ZNF428: variants seen among roughly 807,000 people sequenced by gnomAD.
The protein encoded by ZNF428 is zinc finger protein 428, also known as enzyme-like protein PIT13.
Under a neutral mutation model 15.6 loss-of-function variants are expected in ZNF428, and 5 were observed. The observed-to-expected ratio is 0.32, with a 90% confidence interval of 0.17 to 0.67. The LOEUF (loss-of-function observed/expected upper bound fraction) is 0.67, where lower values mean the gene tolerates loss of function less well. Ranked by LOEUF, ZNF428 falls within the 30% of genes least tolerant of loss-of-function variation. The pLI, the probability that ZNF428 is intolerant of heterozygous loss-of-function variation, is 0.73. For synonymous variants in ZNF428, 97 were observed against 102.2 expected, an observed-to-expected ratio of 0.95 and a Z score of 0.31; for missense variants, 237 against 256.0, an observed-to-expected ratio of 0.93 and a Z score of 0.51.
At chr19:43,613,355 G>A (rs1425795432) in intron 2 of ZNF428, 2 of 1,551,022 alleles carry the variant, frequency 1.3e-6, no homozygotes, top group Non-Finnish European at 1.7e-6. Flanking sequence ...CAAGGCGAGA[G>A]ATCGCAGCCG....
chr19:43,614,131 G>C, intron 2 of ZNF428, 98 bp downstream of exon 2: 2 of 1,610,006 alleles, frequency 1.2e-6, no homozygotes, highest in Non-Finnish European at 1.7e-6. Context: ...CCCCTAGCAA[G>C]ACAAGCAGCC....
chr19:43,607,529 C>A lies in ZNF428; in HGVS notation c.*88G>T. 6.9e-7 allele frequency: 1 copy of A among 1,453,384 alleles called. No homozygotes were observed. Among genetic ancestry groups the A allele is most frequent in the South Asian group, 1.4e-5 (1 of 72,198 alleles). 90.0% of individuals were successfully genotyped at this position (1,453,384 alleles called of 1,614,324 possible). ...CAACACAGACCGGCAGTACCCCATCCCCCATGACCACTGTCACAACCCCAA... is the reference window on the plus strand; with the variant it reads ...CAACACAGACCGGCAGTACCCCATCACCCATGACCACTGTCACAACCCCAA... On this transcript the variant is annotated 3_prime_UTR_variant, in exon 3 of 3. Coordinates refer to ENST00000300811, the MANE Select transcript of ZNF428 (RefSeq NM_182498.4). The surrounding 1 kb of genome is among the most constrained non-coding windows in gnomAD (Gnocchi z 5.1).
intron 1 of ZNF428, among the ~76,000 whole-genome samples, chr19:43,616,870 A>G (rs1973376505): frequency 6.9e-6 from 1 of 145,826 alleles, no homozygotes; most frequent in Non-Finnish European, 1.5e-5. Context: ...GGAGTACAGT[A>G]GCGCGATCTC....
Position 43,612,860 on chromosome 19 carries a change from C to A in ZNF428, c.76+1369G>T, listed in dbSNP as rs1973317623. On this transcript the variant is annotated intron_variant, in intron 2 of 2. Coordinates refer to ENST00000300811, the MANE Select transcript of ZNF428 (RefSeq NM_182498.4). The surrounding 1 kb of genome is among the most constrained non-coding windows in gnomAD (Gnocchi z 4.2). Reference sequence around the variant, plus strand: ...ATCAAGGAAGGTGAAGAGCTACGGTCAGATGATCATCCCCAGTAGGGAAAA... The same window carrying A: ...ATCAAGGAAGGTGAAGAGCTACGGTAAGATGATCATCCCCAGTAGGGAAAA... The A allele has an allele frequency of 6.4e-7, 1 of 1,551,586 alleles. No homozygotes were observed. Among genetic ancestry groups the A allele is most frequent in the Non-Finnish European group, 8.7e-7 (1 of 1,147,014 alleles).
chr19:43,608,239 T>G (rs1973261159), intron 2 of ZNF428, 132 bp from the exon 3 acceptor site: 2 of 1,214,656 alleles, frequency 1.6e-6, no homozygotes, highest in Admixed American at 2.5e-5. Flanking sequence ...TACCCTTCCC[T>G]TCCCCACAGA....
At position 43,608,082 on chromosome 19, in the gene ZNF428, T is replaced by A; in HGVS notation, c.102A>T (p.Glu34Asp). ...SPGPEHSSDS[E>D]YTLSEPDSEE... ...CGGAGTCCGGCTCTGAGAGAGTGTA[T>A]TCTGAATCAGAGGAATGCTCGGGGC... The change falls in exon 3 of 3, where the codon GAA becomes GAT. Residue 34 changes from glutamate (E) to aspartate (D), a missense_variant. Glu to Asp is a conservative substitution (Grantham distance 45, BLOSUM62 2). Coordinates refer to ENST00000300811, the MANE Select transcript of ZNF428 (RefSeq NM_182498.4). The A allele has an allele frequency of 6.2e-7, 1 of 1,613,760 alleles. No individual in the cohort carries two copies. Among genetic ancestry groups the A allele is most frequent in the Non-Finnish European group, 8.5e-7 (1 of 1,179,848 alleles).
chr19:43,609,514 G>A (rs1410091118), intron 2 of ZNF428, among the ~76,000 whole-genome samples: 4 of 152,038 alleles, frequency 2.6e-5, no homozygotes, highest in South Asian at 2.1e-4. Flanking sequence ...TGAGGTGGGC[G>A]GATTGCCTGA....
Position 43,612,474 on chromosome 19 carries a change from A to G in ZNF428, c.76+1755T>C. The G allele has an allele frequency of 6.5e-7, 1 of 1,545,822 alleles. No homozygotes were observed. Among genetic ancestry groups the G allele is most frequent in the Non-Finnish European group, 8.8e-7 (1 of 1,142,424 alleles). ...AGATGCCACCAGCGGAGGGGCACAC[A>G]CAGCCGGGGTAGGACACCTGGCAGA... On this transcript the variant is annotated intron_variant, in intron 2 of 2. Coordinates refer to ENST00000300811, the MANE Select transcript of ZNF428 (RefSeq NM_182498.4). The surrounding 1 kb of genome is among the most constrained non-coding windows in gnomAD (Gnocchi z 4.2).
In ZNF428 at chr19:43,613,747, G is replaced by C. The variant is rs554136864; in HGVS notation, c.76+482C>G. ...GACAATCTAGAAGCCCCAACAAGGA[G>C]AGAGATCGCAGCCAATCTAGAAGCC... On this transcript the variant is annotated intron_variant, in intron 2 of 2. Transcript: ENST00000300811. 37 of 1,551,612 alleles carry C rather than the reference G, an allele frequency of 2.4e-5. 1 individual carries two copies. In the South Asian group the frequency reaches 4.4e-4, roughly 18 times the overall value.
chr19:43,618,926 A>G (rs1973402494), intron 1 of ZNF428, among the ~76,000 whole-genome samples: 1 of 152,050 alleles, frequency 6.6e-6, no homozygotes, highest in South Asian at 2.1e-4. Flanking sequence ...CCCCTTCCAG[A>G]GTATTCCAGA....
chr19:43,612,685 T>C lies in ZNF428; in HGVS notation c.76+1544A>G, dbSNP rs778081627. 17 of 1,551,450 alleles carry C rather than the reference T, an allele frequency of 1.1e-5. No individual in the cohort carries two copies. The Admixed American group carries it at 2.4e-4, about 21-fold the overall frequency. On this transcript the variant is annotated intron_variant, in intron 2 of 2. Coordinates refer to ENST00000300811, the MANE Select transcript of ZNF428 (RefSeq NM_182498.4). The surrounding 1 kb of genome is among the most constrained non-coding windows in gnomAD (Gnocchi z 4.2). The stretch of plus-strand genomic sequence containing the variant: ...ACAGGGAAAGGAGTGACAGCCAGCC[T>C]AGAAATCTGAGCAAGAAGAGTTACC...
intron 2 of ZNF428, chr19:43,613,765 T>C (rs1482534113): frequency 1.3e-6 from 2 of 1,551,290 alleles, no homozygotes; most frequent in East Asian, 2.4e-5. Context: ...GCAGCCAATC[T>C]AGAAGCCCCA....
chr19:43,613,320 A>T, intron 2 of ZNF428: 1 of 1,551,440 alleles, frequency 6.4e-7, no homozygotes, highest in Non-Finnish European at 8.7e-7. Flanking sequence ...AAGCAGAGAG[A>T]TCACAGCCGA....
Position 43,613,784 on chromosome 19 carries a change from A to C in ZNF428, c.76+445T>G, listed in dbSNP as rs763946596. 4 of 1,549,970 alleles carry C rather than the reference A, an allele frequency of 2.6e-6. No homozygotes were observed. The South Asian group carries it at 4.8e-5, about 18-fold the overall frequency. On this transcript the variant is annotated intron_variant, in intron 2 of 2. Transcript: ENST00000300811. ...CCAATCTAGAAGCCCCAGCGAGGAG[A>C]GAGAGCACAGACAATCCAGAAGCCC...
chr19:43,613,585 T>C (rs1454553589), intron 2 of ZNF428: 1 of 1,551,110 alleles, frequency 6.4e-7, no homozygotes, highest in African/African-American at 1.4e-5. Flanking sequence ...ACAGCCAACT[T>C]GGAAGCCCCA....
At chr19:43,614,112 A>T (rs752354487) in intron 2 of ZNF428, 117 bp downstream of exon 2, 1 of 1,594,440 alleles carries the variant, frequency 6.3e-7, no homozygotes, top group Non-Finnish European at 8.5e-7. Flanking sequence ...AGTCTCAGTC[A>T]GAATAGAACC....
In ZNF428 at chr19:43,607,389, ACACAC is replaced by A; in HGVS notation, c.*223_*227del. 1 of 530,078 alleles carries A rather than the reference ACACAC, an allele frequency of 1.9e-6. No individual in the cohort carries two copies. Among genetic ancestry groups the A allele is most frequent in the African/African-American group, 2.1e-5 (1 of 48,220 alleles). 32.8% of individuals were successfully genotyped at this position (530,078 alleles called of 1,614,324 possible). ...AGGGGGAATACACACACACACACAC[ACACAC>A]AAACACACACACGGGCGGGAATACA... is the stretch of plus-strand genomic sequence containing the variant. On this transcript the variant is annotated 3_prime_UTR_variant, in exon 3 of 3. Transcript: ENST00000300811. The surrounding 1 kb of genome is among the most constrained non-coding windows in gnomAD (Gnocchi z 5.1).
rs746431277 is a variant in ZNF428, at chr19:43,608,115, G to A, written c.77-8C>T. The A allele has an allele frequency of 6.8e-6, 11 of 1,606,274 alleles. No homozygotes were observed. The highest frequency in any genetic ancestry group is 7.7e-6 in the Non-Finnish European group (9 of 1,176,056). On this transcript the variant is annotated splice_region_variant and splice_polypyrimidine_tract_variant and intron_variant, in intron 2 of 2. Coordinates refer to ENST00000300811, the MANE Select transcript of ZNF428 (RefSeq NM_182498.4). ...CAGAGGAATGCTCGGGGCCTGGAGG[G>A]GGACAGACAGGGGAAGACAGTGGTA...
At position 43,612,070 on chromosome 19, in the gene ZNF428, G is replaced by GT. The variant is rs2146116716; in HGVS notation, c.76+2158dup. On this transcript the variant is annotated intron_variant, in intron 2 of 2. Coordinates refer to ENST00000300811, the MANE Select transcript of ZNF428 (RefSeq NM_182498.4). This position sits in a 1 kb window ranked among gnomAD's most constrained non-coding sequence, Gnocchi z 4.2. The stretch of plus-strand genomic sequence containing the variant: ...TCAGGTCATCGTCCACGGCTACCAG[G>GT]TGTTTCATGTCTACTGTGACTTCCA... 7.4e-7 allele frequency: 1 copy of GT among 1,347,806 alleles called. No homozygotes were observed. Among genetic ancestry groups the GT allele is most frequent in the East Asian group, 2.5e-5 (1 of 39,888 alleles). The allele number at this position is 1,347,806 out of a possible 1,614,324, so 83.5% of individuals were successfully genotyped here.
Sources: gnomAD v4.1 joint callset for allele counts (sites outside exome capture counted in the v4.1 genomes callset) on GRCh38, gnomAD v4.1.1 for gene constraint, Gnocchi (gnomAD v3.1) non-coding constraint, MANE v1.5 for transcripts, NCBI Gene and HGNC (gene_info 2026-07-23, HGNC 2026-07-21) for gene names.